The following PALS2 variants were observed in gnomAD, a reference collection of about 807,000 sequenced individuals.
PALS2 encodes protein associated with LIN7 2, MAGUK p55 family member.
PALS2 carries 27 observed loss-of-function variants against 61.6 expected under a neutral mutation model. The observed-to-expected ratio is 0.44, with a 90% CI of 0.32 to 0.60. The LOEUF (loss-of-function observed/expected upper bound fraction) is 0.60, where lower values mean the gene tolerates loss of function less well. PALS2 is among the 20% of genes least tolerant of loss of function. PALS2 has a pLI of 0.05. For synonymous variants in PALS2, 236 were observed against 218.6 expected, an observed-to-expected ratio of 1.08 and a Z score of -0.70; for missense variants, 554 against 639.4, an observed-to-expected ratio of 0.87 and a Z score of 1.44.
rs573842488 is a variant in PALS2 at position 24,576,755 on chromosome 7, A to G, written c.-3+3162A>G. Among the ~76,000 whole-genome samples the G allele has an allele frequency of 2.0e-5, 3 of 152,314 alleles. No homozygotes were observed. The South Asian group carries it at 6.2e-4, about 32-fold the overall frequency. ...TCACTCTTCTGTGAAGTGTATCTAT[A>G]TCCAAACCCTTTAAACAAATTGGTC... On this transcript the variant is annotated intron_variant, in intron 1 of 11. Coordinates refer to ENST00000222644, the MANE Select transcript of PALS2 (RefSeq NM_001303037.2).
At position 24,681,692 on chromosome 7, in the gene PALS2, C is replaced by CTGAT. The variant is rs574215526; in HGVS notation, c.1446+1172_1446+1173insTGAT. 3.0e-3 allele frequency among the ~76,000 whole-genome samples: 453 copies of CTGAT among 152,198 alleles called. 15 individuals carry two copies. Among genetic ancestry groups the CTGAT allele is most frequent in the Admixed American group, 0.024 (372 of 15,278 alleles). On this transcript the variant is annotated intron_variant, in intron 11 of 11. Transcript: ENST00000222644. ...AACATGTACAGCTTGATCAGTTTGG[C>CTGAT]CACATATTTGTACTCATGAAAGCCA...
intron 1 of PALS2, among the ~76,000 whole-genome samples, chr7:24,585,107 G>A (rs1190130953): frequency 1.3e-5 from 2 of 152,170 alleles, no homozygotes; most frequent in Non-Finnish European, 2.9e-5. Context: ...GATGCCTCCA[G>A]CTTTGTTCTT....
intron 3 of PALS2, among the ~76,000 whole-genome samples, chr7:24,647,524 A>G (rs1785904992): frequency 1.3e-5 from 2 of 151,978 alleles, no homozygotes; most frequent in Admixed American, 1.3e-4. Context: ...GTTATTTCTC[A>G]TCTTATTCTA....
rs555259606 is a variant in PALS2 at position 24,676,466 on chromosome 7, A to T, written c.1115-2665A>T. ...GTGCTTGCCCATGCCTGTGTCCTGAATGGTAACGCCTAGGTTTTCTTCTAG... is the reference window on the plus strand; with the variant it reads ...GTGCTTGCCCATGCCTGTGTCCTGATTGGTAACGCCTAGGTTTTCTTCTAG... On this transcript the variant is annotated intron_variant, in intron 9 of 11. Coordinates refer to ENST00000222644, the MANE Select transcript of PALS2 (RefSeq NM_001303037.2). Among the ~76,000 whole-genome samples, 249 of 152,198 alleles carry T rather than the reference A, an allele frequency of 1.6e-3. 2 individuals are homozygous for T. The highest frequency in any genetic ancestry group is 2.9e-3 in the South Asian group (14 of 4,824).
chr7:24,605,217 G>A (rs1306692668), intron 1 of PALS2, among the ~76,000 whole-genome samples: 1 of 152,172 alleles, frequency 6.6e-6, no homozygotes, highest in Non-Finnish European at 1.5e-5. Context: ...TCAAGTGAAA[G>A]AAATCATTGT....
At position 24,596,800 on chromosome 7, in the gene PALS2, CTG is replaced by C. The variant is rs1010414463; in HGVS notation, c.-3+23210_-3+23211del. Among the ~76,000 whole-genome samples the C allele has an allele frequency of 6.6e-6, 1 of 152,120 alleles. No individual in the cohort carries two copies. ...TTCTGGACATAGTAGGAAGCATGGA[CTG>C]TGGTGGGGAGAGATTGGGGATTAGT... On this transcript the variant is annotated intron_variant, in intron 1 of 11. Transcript: ENST00000222644. The surrounding 1 kb of genome is among the most constrained non-coding windows in gnomAD (Gnocchi z 4.5).
Position 24,575,856 on chromosome 7 carries a change from A to G in PALS2, c.-3+2263A>G, listed in dbSNP as rs192658385. ...GACATCACTCTAATATAAATTACCTATTGCTAGGTGACTTTTGAAAAAGAG... is the reference window on the plus strand; with the variant it reads ...GACATCACTCTAATATAAATTACCTGTTGCTAGGTGACTTTTGAAAAAGAG... On this transcript the variant is annotated intron_variant, in intron 1 of 11. Coordinates refer to ENST00000222644, the MANE Select transcript of PALS2 (RefSeq NM_001303037.2). Among the ~76,000 whole-genome samples the G allele has an allele frequency of 5.3e-3, 814 of 152,318 alleles. 3 individuals are homozygous for G. The highest frequency in any genetic ancestry group is 0.019 in the African/African-American group (771 of 41,568).
intron 3 of PALS2, among the ~76,000 whole-genome samples, chr7:24,647,113 TTTGTTG>T (rs576530583): frequency 3.3e-5 from 5 of 151,680 alleles, no homozygotes; most frequent in South Asian, 2.1e-4. Flanking sequence ...ATTCTGATTT[TTTGTTG>T]TTGTTGTTGT....
intron 2 of PALS2, among the ~76,000 whole-genome samples, chr7:24,632,500 A>G (rs909240180): frequency 2.0e-5 from 3 of 152,112 alleles, no homozygotes; most frequent in Non-Finnish European, 4.4e-5. Flanking sequence ...CCCTGGTTCA[A>G]GCAATTCTCC....
At chr7:24,639,189 A>T (rs892540140) in intron 2 of PALS2, among the ~76,000 whole-genome samples, 1 of 152,230 alleles carries the variant, frequency 6.6e-6, no homozygotes, top group African/African-American at 2.4e-5. Context: ...TGCATCATTT[A>T]TTGGATTGAA....
chr7:24,627,559 A>AG (rs1341005308), intron 2 of PALS2, among the ~76,000 whole-genome samples: 1 of 152,034 alleles, frequency 6.6e-6, no homozygotes, highest in African/African-American at 2.4e-5. Flanking sequence ...CTTCAAAAAA[A>AG]CAATCATTGA....
intron 2 of PALS2, among the ~76,000 whole-genome samples, chr7:24,636,715 C>G (rs1221355769): frequency 6.6e-6 from 1 of 152,026 alleles, no homozygotes; most frequent in Non-Finnish European, 1.5e-5. Context: ...ATTTTTCTTT[C>G]TGTGAATTTC....
At chr7:24,585,069 TGTA>T (rs1783007036) in intron 1 of PALS2, among the ~76,000 whole-genome samples, 1 of 152,144 alleles carries the variant, frequency 6.6e-6, no homozygotes, top group African/African-American at 2.4e-5. Flanking sequence ...ACTGTAGCCT[TGTA>T]GTATAGTTTG....
At position 24,692,715 on chromosome 7, in the gene PALS2, A is replaced by G. The variant is rs1306723190; in HGVS notation, c.*5101A>G. The G allele has an allele frequency of 1.3e-5, 2 of 152,238 alleles. No homozygotes were observed. Among genetic ancestry groups the G allele is most frequent in the Admixed American group, 1.3e-4 (2 of 15,284 alleles). The allele number at this position is 152,238 out of a possible 1,614,324, so 9.4% of individuals were successfully genotyped here. A position where few individuals can be genotyped will look rare whatever the true frequency, so the allele number is the denominator to read the frequency against. ...GCAAATCCTTGCTGCCAACCAGACC[A>G]CTCACAAATCAAACAAAATGTAAGC... On this transcript the variant is annotated 3_prime_UTR_variant, in exon 12 of 12. Transcript: ENST00000222644.
At chr7:24,667,178 A>G (rs1787063734) in intron 8 of PALS2, among the ~76,000 whole-genome samples, 1 of 152,180 alleles carries the variant, frequency 6.6e-6, no homozygotes, top group Admixed American at 6.5e-5. Flanking sequence ...ATAATATTTC[A>G]AATCATCACT....
At chr7:24,637,061 T>G (rs1320441254) in intron 2 of PALS2, among the ~76,000 whole-genome samples, 4 of 152,148 alleles carry the variant, frequency 2.6e-5, no homozygotes, top group Non-Finnish European at 5.9e-5. Flanking sequence ...AAAATGTTGT[T>G]TTTTCTTTTA....
chr7:24,636,186 T>C (rs967399703), intron 2 of PALS2, among the ~76,000 whole-genome samples: 4 of 136,974 alleles, frequency 2.9e-5, no homozygotes, highest in Non-Finnish European at 6.1e-5. Context: ...CACTCCAGCC[T>C]GGGCAACAAG....
chr7:24,669,442 C>T (rs1157401498), intron 9 of PALS2, among the ~76,000 whole-genome samples: 1 of 152,168 alleles, frequency 6.6e-6, no homozygotes, highest in Non-Finnish European at 1.5e-5. Flanking sequence ...TTTTGAAATA[C>T]GTGGATCTTT....
chr7:24,636,130 T>C (rs1185669412), intron 2 of PALS2, among the ~76,000 whole-genome samples: 1 of 150,502 alleles, frequency 6.6e-6, no homozygotes, highest in Non-Finnish European at 1.5e-5. Context: ...GAGAATCGCT[T>C]GAACCCGGGA....
Sources: gnomAD v4.1 joint callset for allele counts (sites outside exome capture counted in the v4.1 genomes callset) on GRCh38, gnomAD v4.1.1 for gene constraint, Gnocchi (gnomAD v3.1) non-coding constraint, MANE v1.5 for transcripts, NCBI Gene and HGNC (gene_info 2026-07-23, HGNC 2026-07-21) for gene names.